Variants in POM121C observed in about 807,000 individuals in gnomAD.
POM121C encodes the protein POM121 transmembrane nucleoporin C.
POM121C carries 20 observed loss-of-function variants against 66.4 expected under a neutral mutation model. That is an observed-to-expected ratio of 0.30 (90% CI 0.21 to 0.44). POM121C has a LOEUF of 0.44. Among genes scored for constraint, POM121C ranks in the 20% least tolerant of loss-of-function variants. The pLI is 1.00. For missense variants in POM121C, 580 were observed against 1,225.7 expected (o/e 0.47, Z 7.87); for synonymous variants, 286 against 528.0 (o/e 0.54, Z 6.28).
chr7:75,476,976 A>G (rs1792104819), intron 1 of POM121C, among the ~76,000 whole-genome samples: 1 of 152,010 alleles, frequency 6.6e-6, no homozygotes, highest in African/African-American at 2.4e-5. Flanking sequence ...GAAAATAGAA[A>G]CTGATGGATA....
Position 75,424,038 on chromosome 7 carries a change from C to A in POM121C, c.1048+11G>T, listed in dbSNP as rs1554471321. 3 of 1,610,858 alleles carry A rather than the reference C, an allele frequency of 1.9e-6. No individual in the cohort carries two copies. The highest frequency in any genetic ancestry group is 2.5e-6 in the Non-Finnish European group (3 of 1,179,038). The stretch of plus-strand genomic sequence containing the variant: ...TCAGAAGGCTGGATCCACGGCCCCA[C>A]TCCAGCTCACCTGGGCAGGGTGGCA... On this transcript the variant is annotated intron_variant, in intron 12 of 14. Transcript: ENST00000615331.
chr7:75,477,321 G>A (rs1344789146), intron 1 of POM121C, among the ~76,000 whole-genome samples: 2 of 152,216 alleles, frequency 1.3e-5, no homozygotes, highest in East Asian at 1.9e-4. Context: ...GGTGGCTCAC[G>A]CCTGTAATCC....
intron 1 of POM121C, among the ~76,000 whole-genome samples, chr7:75,478,628 G>C (rs1792183430): frequency 6.6e-6 from 1 of 151,740 alleles, no homozygotes; most frequent in African/African-American, 2.4e-5. Context: ...TACAATATCT[G>C]AGATGAAAAT....
At chr7:75,435,420 A>G (rs1481139446) in intron 7 of POM121C, among the ~76,000 whole-genome samples, 1 of 152,246 alleles carries the variant, frequency 6.6e-6, no homozygotes, top group African/African-American at 2.4e-5. Context: ...GGAAAAATGT[A>G]GAGTGGAAAG....
rs365436 is a variant in POM121C, at chr7:75,419,418, T to A, written c.2768A>T (p.Gln923Leu). ...FGGTATPTFG[Q>L]NTPAPGVGTS... ...GCCCACTCCAGGCGCAGGGGTGTTCTGACCAAAGGTGGGGGTGGCGGTGCC... is the reference window on the plus strand; with the variant it reads ...GCCCACTCCAGGCGCAGGGGTGTTCAGACCAAAGGTGGGGGTGGCGGTGCC... Residue 923 changes from glutamine (Q) to leucine (L), a missense_variant, in exon 14 of 15, where the codon CAG becomes CTG. Transcript: ENST00000615331. 266 of 1,613,410 alleles carry A rather than the reference T, an allele frequency of 1.6e-4. 1 individual carries two copies. Among genetic ancestry groups the A allele is most frequent in the South Asian group, 2.1e-4 (19 of 91,054 alleles).
rs781975189 is a variant in POM121C at position 75,421,843 on chromosome 7, G to A, written c.2409C>T (p.Phe803=). 27 of 1,610,384 alleles carry A rather than the reference G, an allele frequency of 1.7e-5. No homozygotes were observed. The highest frequency in any genetic ancestry group is 8.4e-5 in the Admixed American group (5 of 59,870). ...AFGGSTAVFS[F]GAATSSGFGA... Reference sequence around the variant, plus strand: ...CAAAGCCGGAGCTGGTGGCTGCACCGAAGGAGAAGACAGCAGTGGAGCCGC... The same window carrying A: ...CAAAGCCGGAGCTGGTGGCTGCACCAAAGGAGAAGACAGCAGTGGAGCCGC... Residue 803 remains phenylalanine (F), a synonymous_variant, in exon 13 of 15, where the codon TTC becomes TTT. Coordinates refer to ENST00000615331, the MANE Select transcript of POM121C (RefSeq NM_001099415.3).
chr7:75,471,956 G>A (rs1216040581), intron 3 of POM121C, among the ~76,000 whole-genome samples: 9 of 152,082 alleles, frequency 5.9e-5, no homozygotes, highest in South Asian at 4.1e-4. Flanking sequence ...TGTGATCTCC[G>A]CTCACTGCAA....
At chr7:75,480,923 G>A (rs1792282345) in intron 1 of POM121C, among the ~76,000 whole-genome samples, 1 of 151,616 alleles carries the variant, frequency 6.6e-6, no homozygotes, top group Non-Finnish European at 1.5e-5. Flanking sequence ...TTCAATTACT[G>A]TGCTATGGAT....
At chr7:75,452,785 G>A (rs1421208392) in intron 3 of POM121C, among the ~76,000 whole-genome samples, 1 of 152,202 alleles carries the variant, frequency 6.6e-6, no homozygotes, top group Non-Finnish European at 1.5e-5. Context: ...AATGGGTCAA[G>A]TTTGTGTTTG....
intron 13 of POM121C, chr7:75,419,848 T>C (rs1241212004): frequency 2.2e-5 from 4 of 184,820 alleles, no homozygotes; most frequent in Admixed American, 6.2e-5. Flanking sequence ...CCTGTGTCTT[T>C]TGTGATGCCC....
At chr7:75,463,977 G>A (rs1484056155) in intron 3 of POM121C, among the ~76,000 whole-genome samples, 1 of 148,604 alleles carries the variant, frequency 6.7e-6, no homozygotes, top group Non-Finnish European at 1.5e-5. Flanking sequence ...ACAGGCGTGA[G>A]GCACCACGCC....
intron 3 of POM121C, among the ~76,000 whole-genome samples, chr7:75,470,604 G>A (rs1791833660): frequency 6.6e-6 from 1 of 151,764 alleles, no homozygotes; most frequent in African/African-American, 2.4e-5. Context: ...TGGGACTACA[G>A]GTGCGTGCCA....
chr7:75,419,289 G>A (rs782643623), intron 14 of POM121C, 31 bp downstream of exon 14: 19 of 1,595,360 alleles, frequency 1.2e-5, no homozygotes, highest in South Asian at 1.0e-4. Context: ...TCAGACAGAC[G>A]AGCAGGGCCA....
chr7:75,458,540 A>G (rs4628199), intron 3 of POM121C, among the ~76,000 whole-genome samples: 16,385 of 138,834 alleles, frequency 0.12, no homozygotes, highest in South Asian at 0.18. Flanking sequence ...AACAACAACA[A>G]AAACAAAAAC....
At chr7:75,456,866 GCTGGGCA>G (rs1554476357) in intron 3 of POM121C, among the ~76,000 whole-genome samples, 1 of 151,690 alleles carries the variant, frequency 6.6e-6, no homozygotes, top group African/African-American at 2.4e-5. Context: ...ACATGAAGCA[GCTGGGCA>G]CAGTGGCTCA....
Position 75,442,215 on chromosome 7 carries a change from G to A in POM121C, c.-151-568C>T, listed in dbSNP as rs1243985060. On this transcript the variant is annotated intron_variant, in intron 3 of 14. Transcript: ENST00000615331. ...GAGGGGTAAAAGTGGTGAACGCGAT[G>A]GGTCGGCTGGGAGGGCGGTGTGGAG... 22 of 1,375,912 alleles carry A rather than the reference G, an allele frequency of 1.6e-5. No individual in the cohort carries two copies. The Admixed American group carries it at 4.5e-4, about 28-fold the overall frequency. The allele number at this position is 1,375,912 out of a possible 1,614,324, so 85.2% of individuals were successfully genotyped here.
intron 7 of POM121C, 32 bp downstream of exon 7, chr7:75,437,483 T>C (rs782767031): frequency 1.3e-6 from 2 of 1,584,904 alleles, no homozygotes; most frequent in Non-Finnish European, 1.7e-6. Context: ...TGGGAATTCA[T>C]GCCCCCCACA....
intron 5 of POM121C, among the ~76,000 whole-genome samples, chr7:75,439,798 A>G (rs1478794688): frequency 6.6e-6 from 1 of 152,142 alleles, no homozygotes; most frequent in Non-Finnish European, 1.5e-5. Flanking sequence ...TGCTCAGTAA[A>G]TGCTCACCCA....
intron 3 of POM121C, among the ~76,000 whole-genome samples, chr7:75,454,101 G>T (rs1217657207): frequency 6.6e-6 from 1 of 152,218 alleles, no homozygotes; most frequent in Admixed American, 6.5e-5. Flanking sequence ...ATGTGCACAG[G>T]CTCAAGGAAA....
Sources: allele counts gnomAD v4.1 joint callset (sites outside exome capture counted in the v4.1 genomes callset), GRCh38; gene constraint gnomAD v4.1.1; transcripts MANE v1.5; gene names NCBI Gene and HGNC (gene_info 2026-07-23, HGNC 2026-07-21).